The following NEK6 variants were observed in gnomAD, a reference collection of about 807,000 sequenced individuals.
The protein encoded by NEK6 is NIMA related kinase 6.
A neutral mutation model predicts 43.5 loss-of-function variants in NEK6; 27 were observed. That is an observed-to-expected ratio of 0.62 (90% CI 0.46 to 0.86). NEK6 has a LOEUF of 0.86. NEK6 is among the 40% of genes least tolerant of loss of function. The probability of loss-of-function intolerance (pLI) is 0.00; values close to 1 mark genes in which losing one functional copy is unlikely to be tolerated. For synonymous variants in NEK6, 167 were observed against 164.1 expected, an observed-to-expected ratio of 1.02 and a Z score of -0.14; for missense variants, 318 against 414.4, an observed-to-expected ratio of 0.77 and a Z score of 2.02.
At chr9:124,301,870 C>G (rs141281545) in intron 1 of NEK6, 66 bp from the exon 2 acceptor site, 665 of 1,330,064 alleles carry the variant, frequency 5.0e-4, no homozygotes, top group Non-Finnish European at 6.6e-4. Context: ...ATGGGGTGAG[C>G]GAAAGTCCCT....
At chr9:124,309,604 T>C (rs1833431727) in intron 2 of NEK6, among the ~76,000 whole-genome samples, 1 of 152,194 alleles carries the variant, frequency 6.6e-6, no homozygotes, top group Admixed American at 6.5e-5. Flanking sequence ...GAGATGGGAT[T>C]CATAACCCTT....
intron 1 of NEK6, among the ~76,000 whole-genome samples, chr9:124,284,370 T>C (rs1832057102): frequency 6.6e-6 from 1 of 152,188 alleles, no homozygotes; most frequent in African/African-American, 2.4e-5. Flanking sequence ...TAAAATAAAA[T>C]ACTGGATGTG....
At chr9:124,288,499 G>A (rs1207532391) in intron 1 of NEK6, among the ~76,000 whole-genome samples, 1 of 152,142 alleles carries the variant, frequency 6.6e-6, no homozygotes, top group African/African-American at 2.4e-5. Context: ...GGCCAGGCTG[G>A]TCTCGAACTC....
At chr9:124,270,941 C>T (rs1831412784) in intron 1 of NEK6, among the ~76,000 whole-genome samples, 2 of 152,256 alleles carry the variant, frequency 1.3e-5, no homozygotes, top group Admixed American at 6.5e-5. Flanking sequence ...ATGAAGCCAG[C>T]CTGATGGGAG....
upstream of NEK6, chr9:124,257,918 GGCGGGCGC>G (rs945473323): frequency 8.4e-5 from 81 of 969,000 alleles, no homozygotes; most frequent in Admixed American, 2.6e-4. Flanking sequence ...GGCGGGGAGG[GGCGGGCGC>G]GCGGGCGCGC....
chr9:124,284,471 G>A (rs925955701), intron 1 of NEK6, among the ~76,000 whole-genome samples: 2 of 152,254 alleles, frequency 1.3e-5, no homozygotes, highest in Admixed American at 6.5e-5. Context: ...GAATGGGAGC[G>A]TGGCAGCGAC....
In NEK6 at chr9:124,319,124, A is replaced by G. The variant is rs577897562; in HGVS notation, c.295-2335A>G. 3.9e-5 allele frequency among the ~76,000 whole-genome samples: 6 copies of G among 151,986 alleles called. No individual in the cohort carries two copies. The East Asian group carries it at 1.2e-3, about 29-fold the overall frequency. On this transcript the variant is annotated intron_variant, in intron 4 of 9. Transcript: ENST00000320246. ...CCCAACCTCTCGAGTAGCTGTGACTACAGGCACCTGCCACCATGCCTGGCT... is the reference window on the plus strand; with the variant it reads ...CCCAACCTCTCGAGTAGCTGTGACTGCAGGCACCTGCCACCATGCCTGGCT...
intron 1 of NEK6, among the ~76,000 whole-genome samples, chr9:124,278,666 G>A (rs934556801): frequency 5.9e-5 from 9 of 152,216 alleles, no homozygotes; most frequent in African/African-American, 1.9e-4. Flanking sequence ...TTGAATGGGC[G>A]CATGAGGGTG....
chr9:124,349,802 G>A (rs1423260139), intron 9 of NEK6, among the ~76,000 whole-genome samples: 1 of 152,136 alleles, frequency 6.6e-6, no homozygotes. Context: ...GTCCACAGGC[G>A]ACTTCAGACT....
At chr9:124,266,289 A>G (rs1831224922) in intron 1 of NEK6, among the ~76,000 whole-genome samples, 1 of 152,188 alleles carries the variant, frequency 6.6e-6, no homozygotes, top group Non-Finnish European at 1.5e-5. Context: ...TCATCCTCCC[A>G]GTGATGCCGT....
At chr9:124,268,011 GAAGA>G (rs1344152890) in intron 1 of NEK6, among the ~76,000 whole-genome samples, 68 of 152,340 alleles carry the variant, frequency 4.5e-4, no homozygotes, top group African/African-American at 1.5e-3. Flanking sequence ...AGATGGTTTG[GAAGA>G]TGCTGTCTGC....
At chr9:124,284,706 T>C (rs943948085) in intron 1 of NEK6, among the ~76,000 whole-genome samples, 2 of 152,152 alleles carry the variant, frequency 1.3e-5, no homozygotes, top group African/African-American at 4.8e-5. Context: ...GAGGGAAGAA[T>C]GTGTGTGTCT....
chr9:124,323,977 G>A (rs559829238), intron 5 of NEK6, among the ~76,000 whole-genome samples: 12 of 152,034 alleles, frequency 7.9e-5, no homozygotes, highest in East Asian at 3.9e-4. Context: ...GGCCCCCCAC[G>A]CCTCGGGTCC....
intron 1 of NEK6, among the ~76,000 whole-genome samples, chr9:124,273,805 G>T (rs1200466489): frequency 6.6e-6 from 1 of 152,148 alleles, no homozygotes; most frequent in Non-Finnish European, 1.5e-5. Flanking sequence ...CCCATTTACG[G>T]GTTTTTTTGT....
intron 1 of NEK6, chr9:124,292,175 G>A: frequency 5.6e-6 from 7 of 1,253,428 alleles, no homozygotes; most frequent in Non-Finnish European, 7.1e-6. Flanking sequence ...AGGCCCCAGG[G>A]ACCTCCAGGG....
intron 1 of NEK6, among the ~76,000 whole-genome samples, chr9:124,280,373 G>T (rs1358976773): frequency 2.0e-5 from 3 of 152,372 alleles, no homozygotes; most frequent in Non-Finnish European, 4.4e-5. Flanking sequence ...TACGGCGTCA[G>T]ACCTTATCAT....
intron 2 of NEK6, among the ~76,000 whole-genome samples, chr9:124,308,728 C>T (rs1833390229): frequency 6.6e-6 from 1 of 151,902 alleles, no homozygotes; most frequent in African/African-American, 2.4e-5. Context: ...GCAGTGATCA[C>T]ATTTGGGGCC....
At chr9:124,264,725 G>C (rs1020670456) in intron 1 of NEK6, among the ~76,000 whole-genome samples, 27 of 146,838 alleles carry the variant, frequency 1.8e-4, no homozygotes, top group African/African-American at 6.8e-4. Flanking sequence ...TGAGGCGTGA[G>C]AATCACTTGA....
At chr9:124,350,726 G>C (rs1452130021) in intron 9 of NEK6, 111 bp from the exon 10 acceptor site, 1 of 766,780 alleles carries the variant, frequency 1.3e-6, no homozygotes, top group Admixed American at 2.0e-5. Context: ...GGGACAACGG[G>C]ACCATCTAGT....
Sources: gnomAD v4.1 joint callset for allele counts (sites outside exome capture counted in the v4.1 genomes callset) on GRCh38, gnomAD v4.1.1 for gene constraint, MANE v1.5 for transcripts, NCBI Gene and HGNC (gene_info 2026-07-23, HGNC 2026-07-21) for gene names.